Variants in STARD13 observed in about 807,000 individuals in gnomAD.
STARD13 encodes StAR related lipid transfer domain containing 13, also known as stAR-related lipid transfer protein 13.
A neutral mutation model predicts 106.4 loss-of-function variants in STARD13; 62 were observed. The ratio of observed to expected loss-of-function variants is 0.58; its 90% CI spans 0.48 to 0.72. The LOEUF (loss-of-function observed/expected upper bound fraction) is 0.72. Among genes scored for constraint, STARD13 ranks in the 30% least tolerant of loss-of-function variants. The probability of loss-of-function intolerance (pLI) is 0.00; values close to 1 mark genes in which losing one functional copy is unlikely to be tolerated. For synonymous variants in STARD13, 565 were observed against 553.0 expected (o/e 1.02, Z -0.31); for missense variants, 1,387 against 1,424.0 (o/e 0.97, Z 0.42).
chr13:33,416,448 G>C, the STARD13 span, among the ~76,000 whole-genome samples: 2 of 152,176 alleles, frequency 1.3e-5, no homozygotes, highest in African/African-American at 4.8e-5. Flanking sequence ...AGGAAGTATA[G>C]AAGAGCATAA....
intron 7 of STARD13, among the ~76,000 whole-genome samples, 174 bp from the exon 8 acceptor site, chr13:33,118,437 T>A (rs1210508056): frequency 6.6e-6 from 1 of 152,156 alleles, no homozygotes; most frequent in African/African-American, 2.4e-5. Flanking sequence ...TCCTATGAAA[T>A]GAAGATAAGA....
intron 3 of STARD13, among the ~76,000 whole-genome samples, chr13:33,157,847 T>A (rs1418000962): frequency 6.6e-6 from 1 of 152,228 alleles, no homozygotes; most frequent in Admixed American, 6.5e-5. Context: ...ACAAACTCTG[T>A]AAACTATTTT....
chr13:33,532,587 T>C, the STARD13 span, among the ~76,000 whole-genome samples: 1 of 152,232 alleles, frequency 6.6e-6, no homozygotes, highest in Non-Finnish European at 1.5e-5. Context: ...TCTTGAAGTC[T>C]GAAAACATTC....
At chr13:33,625,459 A>T in the STARD13 span, among the ~76,000 whole-genome samples, 2 of 151,926 alleles carry the variant, frequency 1.3e-5, no homozygotes, top group African/African-American at 4.8e-5. Flanking sequence ...AGTCCCAGCT[A>T]CTCGGGAGGC....
chr13:33,653,623 A>G, the STARD13 span, among the ~76,000 whole-genome samples: 9 of 151,808 alleles, frequency 5.9e-5, no homozygotes, highest in Non-Finnish European at 8.8e-5. Flanking sequence ...ATTAGGCACT[A>G]GTTTCTTAGA....
At chr13:33,384,321 G>T in the STARD13 span, among the ~76,000 whole-genome samples, 1 of 152,110 alleles carries the variant, frequency 6.6e-6, no homozygotes, top group Non-Finnish European at 1.5e-5. Flanking sequence ...TAAATCAATG[G>T]TTAAAGCACT....
rs1325119457 is a variant in STARD13 at position 33,130,971 on chromosome 13, C to T, written c.388-682G>A. On this transcript the variant is annotated intron_variant, in intron 4 of 13. Coordinates refer to ENST00000336934, the MANE Select transcript of STARD13 (RefSeq NM_178006.4). This position sits in a 1 kb window ranked among gnomAD's most constrained non-coding sequence, Gnocchi z 4.1. ...GTGGAATCAACTCCGAGTCAGAATG[C>T]CGTTGGCAGGACGCACACCTCTGTG... Among the ~76,000 whole-genome samples, 1 of 152,212 alleles carries T rather than the reference C, an allele frequency of 6.6e-6. No homozygotes were observed. Among genetic ancestry groups the T allele is most frequent in the Non-Finnish European group, 1.5e-5 (1 of 68,038 alleles).
the STARD13 span, among the ~76,000 whole-genome samples, chr13:33,645,246 C>T: frequency 6.6e-6 from 1 of 152,156 alleles, no homozygotes; most frequent in African/African-American, 2.4e-5. Context: ...CCTGAGACCT[C>T]CATGTACAAA....
intron 1 of STARD13, among the ~76,000 whole-genome samples, chr13:33,240,414 A>G (rs935362665): frequency 6.6e-6 from 1 of 152,142 alleles, no homozygotes; most frequent in Non-Finnish European, 1.5e-5. Flanking sequence ...TACTTCTGCA[A>G]AATAAAAAAA....
At chr13:33,378,618 G>A in the STARD13 span, among the ~76,000 whole-genome samples, 24 of 151,896 alleles carry the variant, frequency 1.6e-4, no homozygotes, top group Admixed American at 8.5e-4. Context: ...GTGAAACCCC[G>A]TCTCTACTAA....
chr13:33,311,232 G>A (rs1315326215), intron 1 of STARD13, among the ~76,000 whole-genome samples: 1 of 152,004 alleles, frequency 6.6e-6, no homozygotes, highest in Non-Finnish European at 1.5e-5. Flanking sequence ...GAGAGGTCAA[G>A]GCTGCTGTGA....
chr13:33,445,211 C>T, the STARD13 span, among the ~76,000 whole-genome samples: 1 of 152,108 alleles, frequency 6.6e-6, no homozygotes, highest in Non-Finnish European at 1.5e-5. Flanking sequence ...TTCCTAATGC[C>T]CTCATGTTAA....
At chr13:33,297,341 T>C (rs1178607683) in intron 1 of STARD13, among the ~76,000 whole-genome samples, 1 of 152,206 alleles carries the variant, frequency 6.6e-6, no homozygotes, top group East Asian at 1.9e-4. Flanking sequence ...GCACCAAAAA[T>C]GTATTGCTGC....
chr13:33,292,377 G>A (rs1029517893), intron 1 of STARD13, among the ~76,000 whole-genome samples: 7 of 151,090 alleles, frequency 4.6e-5, no homozygotes, highest in African/African-American at 1.7e-4. Flanking sequence ...CATCACTTGA[G>A]CTCAGGAGTT....
At chr13:33,556,906 A>G in the STARD13 span, among the ~76,000 whole-genome samples, 1 of 152,150 alleles carries the variant, frequency 6.6e-6, no homozygotes, top group Admixed American at 6.5e-5. Flanking sequence ...AGCACACACC[A>G]TCATGCCTGG....
chr13:33,544,468 A>C, the STARD13 span, among the ~76,000 whole-genome samples: 2 of 152,254 alleles, frequency 1.3e-5, no homozygotes, highest in African/African-American at 4.8e-5. Context: ...ACAAATAGAA[A>C]TACAGATATT....
the STARD13 span, among the ~76,000 whole-genome samples, chr13:33,595,346 T>A: frequency 6.6e-6 from 1 of 152,168 alleles, no homozygotes. Context: ...ACTATGTGGA[T>A]CATCTAGAGA....
At chr13:33,144,663 T>C (rs1323109064) in intron 3 of STARD13, among the ~76,000 whole-genome samples, 1 of 152,228 alleles carries the variant, frequency 6.6e-6, no homozygotes, top group East Asian at 1.9e-4. Context: ...TGGCAGGCTC[T>C]CAGCCTGTCT....
chr13:33,589,222 A>T, the STARD13 span, among the ~76,000 whole-genome samples: 1 of 152,024 alleles, frequency 6.6e-6, no homozygotes, highest in Non-Finnish European at 1.5e-5. Context: ...TGGTCTATCA[A>T]TTTTGTCAAT....
Sources: allele counts gnomAD v4.1 joint callset (sites outside exome capture counted in the v4.1 genomes callset), GRCh38; gene constraint gnomAD v4.1.1; non-coding constraint Gnocchi (gnomAD v3.1); transcripts MANE v1.5; gene names NCBI Gene and HGNC (gene_info 2026-07-23, HGNC 2026-07-21).